SMARCAD1: variants seen among roughly 807,000 people sequenced by gnomAD.
The protein encoded by SMARCAD1 is SWI/SNF-related matrix-associated actin-dependent regulator of chromatin subfamily A containing DEAD/H box 1.
A neutral mutation model predicts 127.1 loss-of-function variants in SMARCAD1; 25 were observed. That is an observed-to-expected ratio of 0.20 (90% confidence interval 0.14 to 0.27). The LOEUF is 0.27. Ranked by LOEUF, SMARCAD1 falls within the 10% of genes least tolerant of loss-of-function variation. SMARCAD1 has a pLI of 1.00. For missense variants in SMARCAD1, 807 were observed against 1,206.0 expected (o/e 0.67, Z 4.90); for synonymous variants, 400 against 396.9 (o/e 1.01, Z -0.09).
At chr4:94,214,900 G>T (rs939328223) in intron 2 of SMARCAD1, among the ~76,000 whole-genome samples, 1 of 152,082 alleles carries the variant, frequency 6.6e-6, no homozygotes, top group Non-Finnish European at 1.5e-5. Context: ...ATAAGTGAGA[G>T]ACATTTTTAA....
rs1292011962 is a variant in SMARCAD1 at position 94,252,683 on chromosome 4, C to T, written c.957C>T (p.Tyr319=). 1 of 1,583,634 alleles carries T rather than the reference C, an allele frequency of 6.3e-7. No homozygotes were observed. The change falls in exon 9 of 24, where the codon TAC becomes TAT. Residue 319 remains tyrosine, a synonymous_variant. Transcript: ENST00000354268. Reference sequence around the variant, plus strand: ...AAGTTTCTTCAAGAAGTCAAAATTACCCTAAAAATGCAACTAAAACAAAAC... The same window carrying T: ...AAGTTTCTTCAAGAAGTCAAAATTATCCTAAAAATGCAACTAAAACAAAAC... ...GKEVSSRSQN[Y]PKNATKTKLK...
intron 2 of SMARCAD1, chr4:94,212,981 G>T: frequency 1.1e-6 from 1 of 942,414 alleles, no homozygotes; most frequent in Non-Finnish European, 1.5e-6. Flanking sequence ...AGTTGTCAAT[G>T]ATTGTTATTT....
At chr4:94,284,153 C>T (rs1404651742) in intron 22 of SMARCAD1, among the ~76,000 whole-genome samples, 4 of 143,004 alleles carry the variant, frequency 2.8e-5, no homozygotes, top group Non-Finnish European at 4.7e-5. Flanking sequence ...AACCCCGTCT[C>T]TACTAAAAAT....
chr4:94,228,508 A>AT (rs1342552027), intron 3 of SMARCAD1, among the ~76,000 whole-genome samples: 1 of 152,238 alleles, frequency 6.6e-6, no homozygotes, highest in African/African-American at 2.4e-5. Context: ...TCATATTTCA[A>AT]TTTTGCCAGT....
At chr4:94,255,882 A>G (rs1437070073) in intron 9 of SMARCAD1, among the ~76,000 whole-genome samples, 1 of 152,122 alleles carries the variant, frequency 6.6e-6, no homozygotes, top group East Asian at 1.9e-4. Context: ...GCATAATAGC[A>G]GTAATGTAGG....
rs778325504 is a variant in SMARCAD1 at position 94,270,714 on chromosome 4, T to G, written c.1482-14T>G. 6.2e-7 allele frequency: 1 copy of G among 1,603,370 alleles called. No individual in the cohort carries two copies. The highest frequency in any genetic ancestry group is 2.2e-5 in the East Asian group (1 of 44,704). ...ATATAGATGTGTAATATTTGGTAAC[T>G]CTCTCTTTACCAGTTTGTCACTCAA... is the stretch of plus-strand genomic sequence containing the variant. On this transcript the variant is annotated splice_polypyrimidine_tract_variant and intron_variant, in intron 10 of 23. Transcript: ENST00000354268.
chr4:94,272,744 A>G (rs1408474711), intron 11 of SMARCAD1, among the ~76,000 whole-genome samples: 1 of 151,876 alleles, frequency 6.6e-6, no homozygotes, highest in Non-Finnish European at 1.5e-5. Flanking sequence ...ATACAGTGCA[A>G]TTTGTTGATC....
Position 94,274,889 on chromosome 4 carries a change from G to A in SMARCAD1, c.1733-1G>A. 6.2e-7 allele frequency: 1 copy of A among 1,603,054 alleles called. No individual in the cohort carries two copies. Among genetic ancestry groups the A allele is most frequent in the Non-Finnish European group, 8.5e-7 (1 of 1,170,306 alleles). ...ATGTGTTTATTGTTTTTAAATTCTA[G>A]GTTCTCAAGAAGAACGTAAACAAAT... On this transcript the variant is annotated splice_acceptor_variant, in intron 13 of 23. Coordinates refer to ENST00000354268, the MANE Select transcript of SMARCAD1 (RefSeq NM_020159.5). LOFTEE classifies it high-confidence loss of function.
rs189327890 is a variant in SMARCAD1, at chr4:94,246,197, G to A, written c.706-3457G>A. On this transcript the variant is annotated intron_variant, in intron 6 of 23. Coordinates refer to ENST00000354268, the MANE Select transcript of SMARCAD1 (RefSeq NM_020159.5). Reference sequence around the variant, plus strand: ...TGCAATGGCATGATCCTGGCTCACCGCAACCTCCGCCTCCCGGGTTCAAGC... The same window carrying A: ...TGCAATGGCATGATCCTGGCTCACCACAACCTCCGCCTCCCGGGTTCAAGC... Among the ~76,000 whole-genome samples, 18 of 150,078 alleles carry A rather than the reference G, an allele frequency of 1.2e-4. No individual in the cohort carries two copies. In the East Asian group the frequency reaches 3.3e-3, roughly 28 times the overall value.
intron 21 of SMARCAD1, 127 bp downstream of exon 21, chr4:94,281,717 TTAAAA>T (rs1217735131): frequency 1.3e-5 from 9 of 702,598 alleles, no homozygotes; most frequent in African/African-American, 1.2e-4. Context: ...AATCATTACC[TTAAAA>T]TAAGAGTAAT....
chr4:94,243,549 T>C (rs370274179), intron 6 of SMARCAD1, among the ~76,000 whole-genome samples: 1 of 152,210 alleles, frequency 6.6e-6, no homozygotes. Flanking sequence ...AGTCAATAGC[T>C]GTTTCACAAA....
At chr4:94,270,382 TCAACA>T (rs1209798563) in intron 10 of SMARCAD1, among the ~76,000 whole-genome samples, 5 of 152,100 alleles carry the variant, frequency 3.3e-5, no homozygotes, top group African/African-American at 1.2e-4. Context: ...AAAAATCAAA[TCAACA>T]CAATTCAATT....
chr4:94,285,764 G>A (rs970455280), intron 23 of SMARCAD1, among the ~76,000 whole-genome samples: 4 of 152,162 alleles, frequency 2.6e-5, no homozygotes, highest in African/African-American at 9.7e-5. Flanking sequence ...GTGGGCGGTA[G>A]AGAAAGTTTG....
At chr4:94,212,647 C>A (rs559346711) in intron 2 of SMARCAD1, among the ~76,000 whole-genome samples, 1 of 151,940 alleles carries the variant, frequency 6.6e-6, no homozygotes, top group Non-Finnish European at 1.5e-5. Context: ...CCACCACAGC[C>A]GGCTAATTTT....
chr4:94,277,025 A>G lies in SMARCAD1; in HGVS notation c.1948A>G (p.Asn650Asp). Residue 650 changes from asparagine (N) to aspartate (D), a missense_variant, in exon 16 of 24, where the codon AAT becomes GAT. Physicochemically the swap from Asn to Asp is conservative, Grantham distance 23. Transcript: ENST00000354268. ...TAAATTTTACCTTCATTCACAGGCAAATAACCGTTTGCTGCTCACAGGCAC... is the reference window on the plus strand; with the variant it reads ...TAAATTTTACCTTCATTCACAGGCAGATAACCGTTTGCTGCTCACAGGCAC... ...RYQHLMTINA[N>D]NRLLLTGTPV... The G allele has an allele frequency of 1.2e-6, 2 of 1,614,034 alleles. No individual in the cohort carries two copies. Among genetic ancestry groups the G allele is most frequent in the Non-Finnish European group, 8.5e-7 (1 of 1,179,950 alleles).
intron 6 of SMARCAD1, among the ~76,000 whole-genome samples, chr4:94,247,421 T>G (rs1488895282): frequency 2.0e-5 from 3 of 152,180 alleles, no homozygotes; most frequent in Admixed American, 2.0e-4. Context: ...GGCATAAGTG[T>G]GGGACCCAAG....
At chr4:94,276,235 T>C in intron 14 of SMARCAD1, 104 bp from the exon 15 acceptor site, 1 of 1,250,052 alleles carries the variant, frequency 8.0e-7, no homozygotes, top group Non-Finnish European at 1.1e-6. Context: ...GTACTGGCTG[T>C]TAGAAATGTG....
At chr4:94,244,805 C>G (rs922829655) in intron 6 of SMARCAD1, among the ~76,000 whole-genome samples, 2 of 151,988 alleles carry the variant, frequency 1.3e-5, no homozygotes, top group African/African-American at 4.8e-5. Flanking sequence ...GTATCAAGCT[C>G]TCTCTCTACA....
At chr4:94,258,787 A>G (rs1750510151) in intron 9 of SMARCAD1, among the ~76,000 whole-genome samples, 1 of 152,228 alleles carries the variant, frequency 6.6e-6, no homozygotes, top group Admixed American at 6.5e-5. Flanking sequence ...GGGAAAGTCT[A>G]AAAATTAAAT....
Sources: allele counts gnomAD v4.1 joint callset (sites outside exome capture counted in the v4.1 genomes callset), GRCh38; gene constraint gnomAD v4.1.1; transcripts MANE v1.5; gene names NCBI Gene and HGNC (gene_info 2026-07-23, HGNC 2026-07-21).